Variants in PDZRN4 observed in about 807,000 individuals in gnomAD.
PDZRN4 encodes PDZ domain-containing RING finger protein 4.
Under a neutral mutation model 99.0 loss-of-function variants are expected in PDZRN4, and 70 were observed. The observed-to-expected ratio is 0.71, with a 90% CI of 0.58 to 0.86. The LOEUF (loss-of-function observed/expected upper bound fraction) is 0.86. Ranked by LOEUF, PDZRN4 falls within the 40% of genes least tolerant of loss-of-function variation. PDZRN4 has a pLI of 0.00. For missense variants in PDZRN4, 1,474 were observed against 1,331.2 expected, an observed-to-expected ratio of 1.11 and a Z score of -1.67; for synonymous variants, 551 against 501.6, an observed-to-expected ratio of 1.10 and a Z score of -1.32.
At chr12:41,551,687 A>T (rs1270010145) in intron 5 of PDZRN4, among the ~76,000 whole-genome samples, 1 of 152,184 alleles carries the variant, frequency 6.6e-6, no homozygotes, top group Non-Finnish European at 1.5e-5. Context: ...TCCAGACTTC[A>T]CTTCTAATTT....
chr12:41,407,498 A>G (rs1228943467), intron 3 of PDZRN4, among the ~76,000 whole-genome samples: 3 of 152,184 alleles, frequency 2.0e-5, no homozygotes, highest in Non-Finnish European at 4.4e-5. Flanking sequence ...GTTCATAATA[A>G]CTAGGAAATC....
intron 3 of PDZRN4, among the ~76,000 whole-genome samples, chr12:41,389,497 T>C (rs575600914): frequency 1.7e-4 from 26 of 152,328 alleles, no homozygotes; most frequent in South Asian, 6.2e-4. Flanking sequence ...CCATATTTAC[T>C]TGTTCCTGGA....
At chr12:41,561,366 T>C (rs1467529967) in intron 7 of PDZRN4, among the ~76,000 whole-genome samples, 1 of 151,908 alleles carries the variant, frequency 6.6e-6, no homozygotes, top group Non-Finnish European at 1.5e-5. Context: ...TGTGCCAGCA[T>C]TGAAGACATT....
intron 5 of PDZRN4, among the ~76,000 whole-genome samples, chr12:41,548,548 T>C (rs1294513891): frequency 6.6e-6 from 1 of 152,200 alleles, no homozygotes; most frequent in Non-Finnish European, 1.5e-5. Flanking sequence ...ACGGCTAGCG[T>C]GTCTAGCCCT....
intron 3 of PDZRN4, among the ~76,000 whole-genome samples, chr12:41,282,827 A>T (rs1282617492): frequency 6.6e-6 from 1 of 152,240 alleles, no homozygotes; most frequent in Non-Finnish European, 1.5e-5. Context: ...GAAACCAATG[A>T]GATCAAAGAC....
In PDZRN4 at chr12:41,234,688, CA is replaced by C. The variant is rs1432577487; in HGVS notation, c.843+40502del. ...TCACATGCATAAAAACCCTAAAGGA[CA>C]ACGTTTTCTTTTCTCAGTTGCTCTT... On this transcript the variant is annotated intron_variant, in intron 3 of 9. Transcript: ENST00000402685. Among the ~76,000 whole-genome samples, 7 of 152,024 alleles carry C rather than the reference CA, an allele frequency of 4.6e-5. 1 individual carries two copies.
At chr12:41,392,358 A>T (rs1053070672) in intron 3 of PDZRN4, among the ~76,000 whole-genome samples, 1 of 152,084 alleles carries the variant, frequency 6.6e-6, no homozygotes, top group African/African-American at 2.4e-5. Flanking sequence ...ACCTACTCCT[A>T]TCTCATGTGA....
intron 3 of PDZRN4, among the ~76,000 whole-genome samples, chr12:41,472,927 A>C (rs1827785928): frequency 6.6e-6 from 1 of 152,222 alleles, no homozygotes; most frequent in South Asian, 2.1e-4. Context: ...CAAAATGTTA[A>C]AGTATTAGGT....
intron 3 of PDZRN4, among the ~76,000 whole-genome samples, chr12:41,486,793 T>G (rs950967623): frequency 6.6e-6 from 1 of 152,186 alleles, no homozygotes; most frequent in African/African-American, 2.4e-5. Context: ...GTCCGATTCC[T>G]GTGAGCTCAT....
intron 3 of PDZRN4, among the ~76,000 whole-genome samples, chr12:41,329,280 A>G (rs1472474798): frequency 6.6e-6 from 1 of 152,146 alleles, no homozygotes; most frequent in Non-Finnish European, 1.5e-5. Context: ...GACTGTATTT[A>G]ATACAGGAAC....
At chr12:41,427,108 T>C (rs548034692) in intron 3 of PDZRN4, among the ~76,000 whole-genome samples, 1 of 152,340 alleles carries the variant, frequency 6.6e-6, no homozygotes, top group South Asian at 2.1e-4. Flanking sequence ...CCTGTAACCA[T>C]ATGGCTGTTT....
intron 3 of PDZRN4, among the ~76,000 whole-genome samples, chr12:41,225,458 G>A (rs1950987304): frequency 1.3e-5 from 2 of 149,770 alleles, no homozygotes; most frequent in Admixed American, 1.3e-4. Context: ...GATGTCATCT[G>A]TCACCTGTAT....
intron 3 of PDZRN4, among the ~76,000 whole-genome samples, chr12:41,451,119 C>T (rs921781462): frequency 4.0e-5 from 6 of 151,038 alleles, no homozygotes; most frequent in Admixed American, 6.6e-5. Flanking sequence ...AAAGTCAGAC[C>T]GTAACAGTCT....
At chr12:41,490,951 A>G (rs551218113) in intron 3 of PDZRN4, among the ~76,000 whole-genome samples, 10 of 152,136 alleles carry the variant, frequency 6.6e-5, no homozygotes, top group Non-Finnish European at 1.3e-4. Context: ...ATGGGTTCCA[A>G]CAAGACAGAG....
chr12:41,299,886 G>A (rs1269778249), intron 3 of PDZRN4, among the ~76,000 whole-genome samples: 1 of 151,756 alleles, frequency 6.6e-6, no homozygotes, highest in Non-Finnish European at 1.5e-5. Flanking sequence ...ACTATTTTAT[G>A]ATGCTTTCAT....
Position 41,509,513 on chromosome 12 carries a change from A to G in PDZRN4, c.1101-298A>G, listed in dbSNP as rs145288562. 2.6e-4 allele frequency: 48 copies of G among 184,262 alleles called. No individual in the cohort carries two copies. In the East Asian group the frequency reaches 6.5e-3, roughly 25 times the overall value. The allele number at this position is 184,262 out of a possible 1,614,324, so 11.4% of individuals were successfully genotyped here. On this transcript the variant is annotated intron_variant, in intron 4 of 9. Transcript: ENST00000402685. ...ATTCAGTGGAATGGAAGCAGGCCAG[A>G]AAGTATCAATAAAGCACCACGGACT...
chr12:41,221,594 G>A (rs1353774686), intron 3 of PDZRN4, among the ~76,000 whole-genome samples: 2 of 152,028 alleles, frequency 1.3e-5, no homozygotes, highest in Admixed American at 1.3e-4. Flanking sequence ...GCTAGTTTAT[G>A]AGCAGAACTG....
intron 5 of PDZRN4, 62 bp downstream of exon 5, chr12:41,509,975 T>C: frequency 2.6e-6 from 2 of 762,070 alleles, no homozygotes; most frequent in Non-Finnish European, 4.4e-6. Context: ...GGGTTTTGTA[T>C]AACAAAGAAA....
At chr12:41,383,037 G>A (rs1020854752) in intron 3 of PDZRN4, among the ~76,000 whole-genome samples, 8 of 152,162 alleles carry the variant, frequency 5.3e-5, no homozygotes, top group African/African-American at 1.7e-4. Context: ...TGCAACATAA[G>A]TGAATTCCAT....
Sources: gnomAD v4.1 joint callset for allele counts (sites outside exome capture counted in the v4.1 genomes callset) on GRCh38, gnomAD v4.1.1 for gene constraint, MANE v1.5 for transcripts, NCBI Gene and HGNC (gene_info 2026-07-23, HGNC 2026-07-21) for gene names.